Variants in ATF6 observed in about 807,000 individuals in gnomAD.
ATF6 encodes the protein activating transcription factor 6.
A neutral mutation model predicts 83.6 loss-of-function variants in ATF6; 53 were observed. The observed-to-expected ratio is 0.63, with a 90% CI of 0.51 to 0.80. The LOEUF (loss-of-function observed/expected upper bound fraction) is 0.80. Among genes scored for constraint, ATF6 ranks in the 30% least tolerant of loss-of-function variants. The pLI, the probability that ATF6 is intolerant of heterozygous loss-of-function variation, is 0.00. For missense variants in ATF6, 744 were observed against 797.9 expected (o/e 0.93, Z 0.81); for synonymous variants, 288 against 285.8 (o/e 1.01, Z -0.08).
chr1:161,843,330 T>A (rs1046967922), intron 9 of ATF6, among the ~76,000 whole-genome samples: 1 of 152,234 alleles, frequency 6.6e-6, no homozygotes. Flanking sequence ...TGACATTGCA[T>A]GAACCAGCAT....
rs1223256989 is a variant in ATF6, at chr1:161,802,081, G to A, written c.718G>A (p.Val240Met). 2.5e-6 allele frequency: 4 copies of A among 1,613,928 alleles called. No homozygotes were observed. Among genetic ancestry groups the A allele is most frequent in the Non-Finnish European group, 3.4e-6 (4 of 1,179,990 alleles). The change falls in exon 7 of 16, where the codon GTG (valine) becomes ATG (methionine). Residue 240 changes from valine to methionine, a missense_variant. Coordinates refer to ENST00000367942, the MANE Select transcript of ATF6 (RefSeq NM_007348.4). Reference sequence around the variant, plus strand: ...GACGGTTTTGCTGTCTCAGCCTACTGTGGTACAACTTCAAGCACCTGGAGT... The same window carrying A: ...GACGGTTTTGCTGTCTCAGCCTACTATGGTACAACTTCAAGCACCTGGAGT... ...GQTVLLSQPTVVQLQAPGVLP... is the reference protein window; with the variant it reads ...GQTVLLSQPTMVQLQAPGVLP...
In ATF6 at chr1:161,963,179, GAAAGT is replaced by G. The variant is rs1689136075; in HGVS notation, c.*4531_*4535del. ...GCAGTTTTCTCCTACCTAAAAAAAA[GAAAGT>G]AAAGTGTGTTCTGTTCTTATCTTTT... On this transcript the variant is annotated 3_prime_UTR_variant, in exon 16 of 16. Transcript: ENST00000367942. 1 of 152,176 alleles carries G rather than the reference GAAAGT, an allele frequency of 6.6e-6. No individual in the cohort carries two copies. The allele number at this position is 152,176 out of a possible 1,614,324, so 9.4% of individuals were successfully genotyped here.
chr1:161,849,044 G>C (rs1008868184), intron 10 of ATF6, among the ~76,000 whole-genome samples: 1 of 151,842 alleles, frequency 6.6e-6, no homozygotes, highest in African/African-American at 2.4e-5. Flanking sequence ...TTCAAAAGCA[G>C]TTTTGGACTT....
chr1:161,786,748 C>G (rs1214359912), intron 4 of ATF6, among the ~76,000 whole-genome samples: 2 of 152,122 alleles, frequency 1.3e-5, no homozygotes, highest in African/African-American at 4.8e-5. Flanking sequence ...ATTTCTTAGC[C>G]ATAATACAAG....
Position 161,801,929 on chromosome 1 carries a change from TG to T in ATF6, c.689-121del, listed in dbSNP as rs1346041621. On this transcript the variant is annotated intron_variant, in intron 6 of 15. Coordinates refer to ENST00000367942, the MANE Select transcript of ATF6 (RefSeq NM_007348.4). Reference sequence around the variant, plus strand: ...GCTATTGATCCAATGTTTTAATTGATGGTGTCCAATCCCTTGGTGTTGATCT... The same window carrying T: ...GCTATTGATCCAATGTTTTAATTGATGTGTCCAATCCCTTGGTGTTGATCT... 2.7e-5 allele frequency: 21 copies of T among 783,626 alleles called. No homozygotes were observed. The Admixed American group carries it at 2.8e-4, about 10-fold the overall frequency. 48.5% of individuals were successfully genotyped at this position (783,626 alleles called of 1,614,324 possible). A position where few individuals can be genotyped will look rare whatever the true frequency, so the allele number is the denominator to read the frequency against.
intron 14 of ATF6, among the ~76,000 whole-genome samples, chr1:161,866,748 T>A (rs186422504): frequency 6.6e-6 from 1 of 150,552 alleles, no homozygotes; most frequent in Non-Finnish European, 1.5e-5. Context: ...GCCTTTTTTG[T>A]TTGTTTGTTT....
At chr1:161,928,749 G>GAA (rs1688373142) in intron 15 of ATF6, among the ~76,000 whole-genome samples, 1 of 152,074 alleles carries the variant, frequency 6.6e-6, no homozygotes, top group Non-Finnish European at 1.5e-5. Context: ...AAAATAAACT[G>GAA]TCTTCTCACT....
intron 15 of ATF6, among the ~76,000 whole-genome samples, chr1:161,942,181 T>G (rs1558034635): frequency 2.0e-5 from 3 of 152,218 alleles, no homozygotes; most frequent in Non-Finnish European, 4.4e-5. Flanking sequence ...TACAGTGGTG[T>G]TAGAAGCATT....
chr1:161,927,114 CAT>C (rs1688331097), intron 15 of ATF6, among the ~76,000 whole-genome samples: 1 of 151,900 alleles, frequency 6.6e-6, no homozygotes, highest in Non-Finnish European at 1.5e-5. Context: ...ATACATAGAT[CAT>C]AGAAAATCTT....
At chr1:161,957,971 C>T (rs757840871) in intron 15 of ATF6, among the ~76,000 whole-genome samples, 18 of 152,162 alleles carry the variant, frequency 1.2e-4, no homozygotes, top group African/African-American at 2.7e-4. Context: ...AGGAGCTAAG[C>T]GTACTTGGCC....
At position 161,959,648 on chromosome 1, in the gene ATF6, C is replaced by A. The variant is rs1234543977; in HGVS notation, c.*994C>A. The A allele has an allele frequency of 7.7e-6, 1 of 130,462 alleles. No homozygotes were observed. The highest frequency in any genetic ancestry group is 1.5e-5 in the Non-Finnish European group (1 of 64,736). The allele number at this position is 130,462 out of a possible 1,614,324, so 8.1% of individuals were successfully genotyped here. A position where few individuals can be genotyped will look rare whatever the true frequency, so the allele number is the denominator to read the frequency against. ...TCCCGCCACTGCACTCCAGCCTGGG[C>A]GACAGAGCGAGACTCCGTCTCAAAA... On this transcript the variant is annotated 3_prime_UTR_variant, in exon 16 of 16. Transcript: ENST00000367942.
At chr1:161,784,246 TG>T in intron 4 of ATF6, 150 bp downstream of exon 4, 1 of 606,732 alleles carries the variant, frequency 1.6e-6, no homozygotes, top group Non-Finnish European at 2.8e-6. Context: ...AAGAGCCTTG[TG>T]GGAGCTAGAA....
At chr1:161,953,092 A>G (rs1400975486) in intron 15 of ATF6, among the ~76,000 whole-genome samples, 1 of 152,212 alleles carries the variant, frequency 6.6e-6, no homozygotes, top group Non-Finnish European at 1.5e-5. Flanking sequence ...TAGCACACAG[A>G]AACACTAAGT....
chr1:161,810,342 G>A (rs1685425211), intron 7 of ATF6, among the ~76,000 whole-genome samples: 1 of 152,118 alleles, frequency 6.6e-6, no homozygotes. Context: ...AGAAAAGAGG[G>A]AAGTGCTACA....
At chr1:161,929,608 G>T (rs528580875) in intron 15 of ATF6, among the ~76,000 whole-genome samples, 1 of 152,186 alleles carries the variant, frequency 6.6e-6, no homozygotes, top group Non-Finnish European at 1.5e-5. Context: ...GTAAACCTAG[G>T]TATGCAGTCA....
chr1:161,863,254 A>C lies in ATF6; in HGVS notation c.1661A>C (p.Asp554Ala). Residue 554 changes from aspartate to alanine, a missense_variant, in exon 14 of 16, where the codon GAC becomes GCC. Asp to Ala is a moderately radical substitution (Grantham distance 126). Transcript: ENST00000367942. ...TATGCTTCACCCAGAAGTTATCAAG[A>C]CTTTTTTGAAGCCATCCGCAGAAGG... ...VYYASPRSYQ[D>A]FFEAIRRRGD... 1 of 1,613,510 alleles carries C rather than the reference A, an allele frequency of 6.2e-7. No individual in the cohort carries two copies. Among genetic ancestry groups the C allele is most frequent in the Non-Finnish European group, 8.5e-7 (1 of 1,179,540 alleles).
chr1:161,899,498 C>A (rs373025681), intron 14 of ATF6, among the ~76,000 whole-genome samples: 1 of 151,936 alleles, frequency 6.6e-6, no homozygotes, highest in Non-Finnish European at 1.5e-5. Context: ...ATTTACCCTT[C>A]CAGATTTTGG....
At chr1:161,785,183 G>A (rs1457397565) in intron 4 of ATF6, among the ~76,000 whole-genome samples, 1 of 152,190 alleles carries the variant, frequency 6.6e-6, no homozygotes. Flanking sequence ...GATGCTGGCA[G>A]TGAACAACAG....
intron 12 of ATF6, among the ~76,000 whole-genome samples, chr1:161,857,111 A>G (rs1344675058): frequency 6.6e-6 from 1 of 152,180 alleles, no homozygotes; most frequent in South Asian, 2.1e-4. Flanking sequence ...GTCAATGCCA[A>G]AGCATATCAA....
Sources: gnomAD v4.1 joint callset for allele counts (sites outside exome capture counted in the v4.1 genomes callset) on GRCh38, gnomAD v4.1.1 for gene constraint, MANE v1.5 for transcripts, NCBI Gene and HGNC (gene_info 2026-07-23, HGNC 2026-07-21) for gene names.